MCPH1: variants seen among roughly 807,000 people sequenced by gnomAD.
The protein encoded by MCPH1 is microcephalin.
MCPH1 carries 104 observed loss-of-function variants against 84.5 expected under a neutral mutation model. The observed-to-expected ratio is 1.23, with a 90% CI of 1.05 to 1.45. The LOEUF is 1.45. MCPH1 is among the 40% of genes most tolerant of loss of function. The pLI, the probability that MCPH1 is intolerant of heterozygous loss-of-function variation, is 0.00. For synonymous variants in MCPH1, 514 were observed against 366.8 expected, an observed-to-expected ratio of 1.40 and a Z score of -4.58; for missense variants, 1,498 against 1,005.7, an observed-to-expected ratio of 1.49 and a Z score of -6.62.
intron 9 of MCPH1, among the ~76,000 whole-genome samples, chr8:6,460,782 C>T (rs1806195796): frequency 6.6e-6 from 1 of 152,062 alleles, no homozygotes; most frequent in African/African-American, 2.4e-5. Flanking sequence ...GGAGTGTGGG[C>T]TTCTGACTCT....
chr8:6,579,490 A>T (rs1191405254), intron 12 of MCPH1, among the ~76,000 whole-genome samples: 1 of 152,194 alleles, frequency 6.6e-6, no homozygotes, highest in Non-Finnish European at 1.5e-5. Flanking sequence ...CTGCATTAGT[A>T]AGGGAAGTGT....
At chr8:6,621,195 A>C in intron 12 of MCPH1, 1 of 523,022 alleles carries the variant, frequency 1.9e-6, no homozygotes, top group Non-Finnish European at 3.4e-6. Context: ...GCTTTGGAAT[A>C]ATTCAAAGGC....
chr8:6,513,948 G>T (rs2129567646), intron 12 of MCPH1: 1 of 1,137,838 alleles, frequency 8.8e-7, no homozygotes, highest in Non-Finnish European at 1.2e-6. Flanking sequence ...TCAAATAGCA[G>T]AAATTCCTTC....
intron 12 of MCPH1, among the ~76,000 whole-genome samples, chr8:6,549,217 A>G (rs1048516690): frequency 6.6e-6 from 1 of 152,258 alleles, no homozygotes; most frequent in African/African-American, 2.4e-5. Flanking sequence ...CACAAATGTC[A>G]ATCTACAGCA....
At chr8:6,539,212 G>T (rs1483448138) in intron 12 of MCPH1, among the ~76,000 whole-genome samples, 1 of 152,256 alleles carries the variant, frequency 6.6e-6, no homozygotes, top group African/African-American at 2.4e-5. Context: ...AGTACCCACA[G>T]TGAGAGGTGA....
intron 13 of MCPH1, chr8:6,625,362 C>G (rs1182422009): frequency 3.0e-6 from 3 of 985,296 alleles, no homozygotes; most frequent in South Asian, 4.7e-5. Context: ...TCATCCCTGC[C>G]CCTTCGACAA....
intron 12 of MCPH1, among the ~76,000 whole-genome samples, chr8:6,549,875 C>CT (rs1286559567): frequency 4.3e-4 from 65 of 152,118 alleles, no homozygotes; most frequent in African/African-American, 1.5e-3. Flanking sequence ...TAAGTTATAT[C>CT]TAAAAAAAGA....
chr8:6,506,967 G>A (rs1326869422), intron 12 of MCPH1, among the ~76,000 whole-genome samples: 1 of 151,464 alleles, frequency 6.6e-6, no homozygotes, highest in Non-Finnish European at 1.5e-5. Flanking sequence ...GTGCGATCTC[G>A]GCTCATTGCA....
rs574421934 is a variant in MCPH1, at chr8:6,452,607, T to C, written c.1826-2536T>C. On this transcript the variant is annotated intron_variant, in intron 8 of 13. Coordinates refer to ENST00000344683, the MANE Select transcript of MCPH1 (RefSeq NM_024596.5). ...GATAACATTTGGATAGGGTGATCTTTGGAAGATAATTAGGTTTAGATGAGG... is the reference window on the plus strand; with the variant it reads ...GATAACATTTGGATAGGGTGATCTTCGGAAGATAATTAGGTTTAGATGAGG... 1.2e-4 allele frequency among the ~76,000 whole-genome samples: 19 copies of C among 152,314 alleles called. No individual in the cohort carries two copies. In the South Asian group the frequency reaches 3.7e-3, roughly 30 times the overall value.
chr8:6,462,340 C>G (rs748941378), intron 9 of MCPH1, among the ~76,000 whole-genome samples: 1 of 152,198 alleles, frequency 6.6e-6, no homozygotes, highest in African/African-American at 2.4e-5. Context: ...TCTTAATACT[C>G]AGCAGGATAT....
chr8:6,435,882 A>G (rs1309429951), intron 4 of MCPH1, among the ~76,000 whole-genome samples, 166 bp from the exon 5 acceptor site: 1 of 152,218 alleles, frequency 6.6e-6, no homozygotes, highest in Non-Finnish European at 1.5e-5. Context: ...TTATAACTGC[A>G]CAAAAAAATA....
chr8:6,579,084 A>G (rs1262147758), intron 12 of MCPH1, among the ~76,000 whole-genome samples: 2 of 152,228 alleles, frequency 1.3e-5, no homozygotes, highest in Non-Finnish European at 2.9e-5. Flanking sequence ...GAACTGCACC[A>G]GACTGAGCTG....
At chr8:6,516,450 T>C (rs960581183) in intron 12 of MCPH1, among the ~76,000 whole-genome samples, 1 of 152,196 alleles carries the variant, frequency 6.6e-6, no homozygotes, top group African/African-American at 2.4e-5. Context: ...ATGTTTTTTT[T>C]CCACTGACAT....
intron 8 of MCPH1, among the ~76,000 whole-genome samples, chr8:6,448,348 C>T (rs996519535): frequency 4.6e-5 from 7 of 152,106 alleles, no homozygotes; most frequent in African/African-American, 7.2e-5. Context: ...GCAGGAACAA[C>T]GGGGAGGCCA....
chr8:6,574,359 G>A (rs901097219), intron 12 of MCPH1, among the ~76,000 whole-genome samples: 1 of 152,024 alleles, frequency 6.6e-6, no homozygotes, highest in Non-Finnish European at 1.5e-5. Flanking sequence ...CTACACGGCC[G>A]TCTTTTTATA....
intron 12 of MCPH1, among the ~76,000 whole-genome samples, chr8:6,582,512 T>G (rs1393855227): frequency 6.6e-6 from 1 of 152,208 alleles, no homozygotes. Flanking sequence ...CAGCACACGT[T>G]CTCTTCATTG....
At chr8:6,613,719 G>C (rs1021885441) in intron 12 of MCPH1, among the ~76,000 whole-genome samples, 1 of 152,106 alleles carries the variant, frequency 6.6e-6, no homozygotes, top group Non-Finnish European at 1.5e-5. Flanking sequence ...AGAGTCATCA[G>C]GGCCGAGAGG....
intron 12 of MCPH1, among the ~76,000 whole-genome samples, chr8:6,544,159 G>A (rs777676904): frequency 5.3e-5 from 8 of 152,206 alleles, no homozygotes; most frequent in Non-Finnish European, 8.8e-5. Flanking sequence ...AAATTTGGTA[G>A]GAAGTGTAAC....
At chr8:6,596,366 C>T (rs1304799178) in intron 12 of MCPH1, among the ~76,000 whole-genome samples, 1 of 152,204 alleles carries the variant, frequency 6.6e-6, no homozygotes, top group East Asian at 1.9e-4. Context: ...AGCCCCCTGC[C>T]TGCATCATGG....
Sources: allele counts gnomAD v4.1 joint callset (sites outside exome capture counted in the v4.1 genomes callset), GRCh38; gene constraint gnomAD v4.1.1; transcripts MANE v1.5; gene names NCBI Gene and HGNC (gene_info 2026-07-23, HGNC 2026-07-21).